The following THADA variants were observed in gnomAD, a reference collection of about 807,000 sequenced individuals.
THADA encodes tRNA (32-2'-O)-methyltransferase regulator THADA.
Under a neutral mutation model 219.8 loss-of-function variants are expected in THADA, and 213 were observed. The observed-to-expected ratio is 0.97, with a 90% CI of 0.87 to 1.09. The LOEUF is 1.09. Ranked by LOEUF, THADA falls within the 50% of genes least tolerant of loss-of-function variation. THADA has a pLI of 0.00. For missense variants in THADA, 2,956 were observed against 2,311.3 expected (o/e 1.28, Z -5.72); for synonymous variants, 1,018 against 828.9 (o/e 1.23, Z -3.92).
At chr2:43,344,759 G>GTT (rs1242915350) in intron 29 of THADA, among the ~76,000 whole-genome samples, 2,634 of 149,198 alleles carry the variant, frequency 0.018, 46 homozygotes, top group African/African-American at 0.045. Context: ...ACTATTTAGG[G>GTT]TTTTTTTTGT....
intron 28 of THADA, among the ~76,000 whole-genome samples, chr2:43,400,476 T>TATATATATATATATATATAA (rs903186497): frequency 1.5e-4 from 21 of 144,442 alleles, no homozygotes; most frequent in African/African-American, 5.3e-4. Context: ...TATATATATA[T>TATATATATATATATATATAA]AAATATATAC....
chr2:43,433,149 G>C lies in THADA; in HGVS notation c.3837-2847C>G, dbSNP rs576896412. Among the ~76,000 whole-genome samples, 68 of 152,208 alleles carry C rather than the reference G, an allele frequency of 4.5e-4. 1 individual carries two copies. The highest frequency in any genetic ancestry group is 8.5e-4 in the Non-Finnish European group (58 of 68,014). On this transcript the variant is annotated intron_variant, in intron 26 of 37. Transcript: ENST00000405975. Reference sequence around the variant, plus strand: ...TAATTTTTGTGTATAGTGTGAGATAGAGGTCAAGGTTCTTTTTTTCCACAT... The same window carrying C: ...TAATTTTTGTGTATAGTGTGAGATACAGGTCAAGGTTCTTTTTTTCCACAT...
rs1491544748 is a variant in THADA at position 43,514,691 on chromosome 2, TAA to T, written c.3375-5913_3375-5912del. The stretch of plus-strand genomic sequence containing the variant: ...AATATATAATATATTATATTATATA[TAA>T]TATATATAATATATATATAAATATA... On this transcript the variant is annotated intron_variant, in intron 22 of 37. Coordinates refer to ENST00000405975, the MANE Select transcript of THADA (RefSeq NM_022065.5). Among the ~76,000 whole-genome samples, 97 of 71,592 alleles carry T rather than the reference TAA, an allele frequency of 1.4e-3. 18 individuals are homozygous for T. The highest frequency in any genetic ancestry group is 2.0e-3 in the African/African-American group (31 of 15,278). 47.0% of individuals were successfully genotyped at this position (71,592 alleles called of 152,430 possible). A position where few individuals can be genotyped will look rare whatever the true frequency, so the allele number is the denominator to read the frequency against.
intron 31 of THADA, among the ~76,000 whole-genome samples, chr2:43,301,168 C>T (rs542378461): frequency 3.9e-5 from 6 of 152,152 alleles, no homozygotes; most frequent in Non-Finnish European, 7.4e-5. Flanking sequence ...CCAACTTTCA[C>T]GCGGGTTGGC....
At chr2:43,283,138 A>G (rs561212819) in intron 35 of THADA, among the ~76,000 whole-genome samples, 2 of 152,272 alleles carry the variant, frequency 1.3e-5, no homozygotes, top group East Asian at 3.9e-4. Flanking sequence ...CTGCCATGGG[A>G]AGCTGTGCCT....
chr2:43,506,128 G>A (rs1689637288), intron 23 of THADA, among the ~76,000 whole-genome samples: 3 of 152,064 alleles, frequency 2.0e-5, no homozygotes, highest in African/African-American at 7.2e-5. Context: ...TACTTAAAAA[G>A]CAAAAAATCT....
At chr2:43,491,260 C>A (rs780066307) in intron 25 of THADA, among the ~76,000 whole-genome samples, 1 of 152,162 alleles carries the variant, frequency 6.6e-6, no homozygotes, top group Non-Finnish European at 1.5e-5. Context: ...TAATATGAAT[C>A]ATTGATAGCA....
At chr2:43,480,257 T>C (rs565168140) in intron 26 of THADA, among the ~76,000 whole-genome samples, 2 of 152,148 alleles carry the variant, frequency 1.3e-5, no homozygotes, top group Non-Finnish European at 2.9e-5. Flanking sequence ...TCGGCTAAGT[T>C]AGACATGTAT....
At chr2:43,298,580 C>T (rs1010673952) in intron 31 of THADA, among the ~76,000 whole-genome samples, 2 of 141,374 alleles carry the variant, frequency 1.4e-5, no homozygotes, top group Non-Finnish European at 3.0e-5. Flanking sequence ...TGAGAAACAC[C>T]CAAGAATTAT....
chr2:43,321,814 G>A (rs979710140), intron 30 of THADA, among the ~76,000 whole-genome samples: 4 of 152,202 alleles, frequency 2.6e-5, no homozygotes, highest in Admixed American at 2.0e-4. Context: ...TTCCAGAACT[G>A]TCCATTCCTT....
chr2:43,274,251 T>C (rs1672460861), intron 36 of THADA, among the ~76,000 whole-genome samples: 1 of 152,216 alleles, frequency 6.6e-6, no homozygotes, highest in Admixed American at 6.5e-5. Context: ...AAACTCAGCC[T>C]ACCAGACCCG....
chr2:43,299,433 C>T (rs935034117), intron 31 of THADA, among the ~76,000 whole-genome samples: 5 of 151,982 alleles, frequency 3.3e-5, no homozygotes, highest in African/African-American at 1.2e-4. Flanking sequence ...CCGAGGCGGG[C>T]AGATCACCTG....
intron 25 of THADA, among the ~76,000 whole-genome samples, chr2:43,489,564 G>C (rs912124932): frequency 6.6e-6 from 1 of 152,118 alleles, no homozygotes; most frequent in Non-Finnish European, 1.5e-5. Flanking sequence ...AATATGGTAT[G>C]AGATGGGGAT....
intron 15 of THADA, chr2:43,563,404 C>T (rs1322417477): frequency 1.3e-5 from 2 of 152,090 alleles, no homozygotes; most frequent in African/African-American, 4.8e-5. Context: ...TCTATATATC[C>T]CCCTTATCTT....
intron 36 of THADA, among the ~76,000 whole-genome samples, chr2:43,239,803 G>C (rs906986665): frequency 1.3e-5 from 2 of 152,140 alleles, no homozygotes; most frequent in Non-Finnish European, 2.9e-5. Context: ...TCAGCTTTAG[G>C]GGACTGGCCA....
intron 36 of THADA, among the ~76,000 whole-genome samples, chr2:43,263,710 C>G (rs1419964853): frequency 6.6e-6 from 1 of 152,148 alleles, no homozygotes; most frequent in Non-Finnish European, 1.5e-5. Flanking sequence ...ATGTTCTAGC[C>G]TGTTAGCTAT....
chr2:43,537,924 A>G (rs535051856), intron 21 of THADA, among the ~76,000 whole-genome samples: 4 of 151,250 alleles, frequency 2.6e-5, no homozygotes, highest in Non-Finnish European at 4.4e-5. Flanking sequence ...TGGGCGCCAG[A>G]ATGGGACCCA....
chr2:43,494,470 C>T (rs1331904929), intron 25 of THADA, among the ~76,000 whole-genome samples: 1 of 152,160 alleles, frequency 6.6e-6, no homozygotes, highest in East Asian at 1.9e-4. Flanking sequence ...TCTTTGTATT[C>T]TTAAAATACC....
chr2:43,435,872 G>C (rs1436936359), intron 26 of THADA, among the ~76,000 whole-genome samples: 2 of 150,662 alleles, frequency 1.3e-5, no homozygotes, highest in African/African-American at 4.9e-5. Flanking sequence ...ATTCTGCCCT[G>C]AGCATTCCTG....
Sources: allele counts gnomAD v4.1 joint callset (sites outside exome capture counted in the v4.1 genomes callset), GRCh38; gene constraint gnomAD v4.1.1; transcripts MANE v1.5; gene names NCBI Gene and HGNC (gene_info 2026-07-23, HGNC 2026-07-21).